Variants in MYH10 observed in about 807,000 individuals in gnomAD.
The protein encoded by MYH10 is myosin heavy chain 10, also known as myosin-10.
MYH10 carries 55 observed loss-of-function variants against 257.8 expected under a neutral mutation model. That is an observed-to-expected ratio of 0.21 (90% CI 0.17 to 0.27). MYH10 has a LOEUF of 0.27. Ranked by LOEUF, MYH10 falls within the 10% of genes least tolerant of loss-of-function variation. The pLI, the probability that MYH10 is intolerant of heterozygous loss-of-function variation, is 1.00. For synonymous variants in MYH10, 854 were observed against 921.7 expected (o/e 0.93, Z 1.33); for missense variants, 1,631 against 2,500.6 (o/e 0.65, Z 7.42).
intron 2 of MYH10, among the ~76,000 whole-genome samples, chr17:8,611,827 G>A (rs995035511): frequency 3.3e-5 from 5 of 152,096 alleles, no homozygotes; most frequent in African/African-American, 1.2e-4. Flanking sequence ...AGAGAATGAG[G>A]CAGAAGCAGT....
chr17:8,597,522 A>C (rs2084423708), intron 3 of MYH10, among the ~76,000 whole-genome samples: 2 of 152,034 alleles, frequency 1.3e-5, no homozygotes, highest in Non-Finnish European at 2.9e-5. Context: ...TGTTTTTTAA[A>C]ACTATCTTTA....
chr17:8,548,300 T>C lies in MYH10; in HGVS notation c.1159+13A>G. 3 of 1,579,642 alleles carry C rather than the reference T, an allele frequency of 1.9e-6. No homozygotes were observed. The highest frequency in any genetic ancestry group is 1.7e-6 in the Non-Finnish European group (2 of 1,152,486). ...CATCGAAACAGAAATAAAGTCAGTA[T>C]TCATCAGTTTACCTGTATTTTCTGG... On this transcript the variant is annotated intron_variant, in intron 11 of 42. Coordinates refer to ENST00000360416, the MANE Select transcript of MYH10 (RefSeq NM_001256012.3).
At chr17:8,489,614 G>GA (rs1915415049) in intron 35 of MYH10, among the ~76,000 whole-genome samples, 1 of 151,988 alleles carries the variant, frequency 6.6e-6, no homozygotes, top group Admixed American at 6.6e-5. Context: ...TGAGACAGGA[G>GA]AATCACTTCA....
chr17:8,613,878 C>T (rs1239720419), intron 2 of MYH10, among the ~76,000 whole-genome samples: 2 of 151,564 alleles, frequency 1.3e-5, no homozygotes, highest in African/African-American at 4.9e-5. Flanking sequence ...AGCAATTAAC[C>T]ACACAAACAC....
chr17:8,487,280 C>G (rs565124565), intron 36 of MYH10, among the ~76,000 whole-genome samples, 153 bp downstream of exon 36: 2 of 152,168 alleles, frequency 1.3e-5, no homozygotes, highest in African/African-American at 4.8e-5. Flanking sequence ...GTGGACACAG[C>G]GGACACACAA....
chr17:8,493,177 T>C (rs753841255), intron 32 of MYH10, among the ~76,000 whole-genome samples, 153 bp from the exon 33 acceptor site: 26 of 152,088 alleles, frequency 1.7e-4, no homozygotes, highest in Admixed American at 1.2e-3. Flanking sequence ...CAGGCCAACA[T>C]AGTGAAACCT....
intron 29 of MYH10, among the ~76,000 whole-genome samples, chr17:8,500,176 G>C (rs1483602103): frequency 6.6e-6 from 1 of 152,186 alleles, no homozygotes. Flanking sequence ...TTAAAAGGTG[G>C]CATGTGGCTA....
At chr17:8,624,549 G>A (rs960177553) in intron 1 of MYH10, among the ~76,000 whole-genome samples, 1 of 152,192 alleles carries the variant, frequency 6.6e-6, no homozygotes, top group South Asian at 2.1e-4. Context: ...AAAAATGCTA[G>A]AGGTTCTTTG....
At chr17:8,585,109 C>T (rs1389881196) in intron 4 of MYH10, among the ~76,000 whole-genome samples, 2 of 151,606 alleles carry the variant, frequency 1.3e-5, no homozygotes, top group Admixed American at 6.6e-5. Context: ...TCCCAAAGTG[C>T]TGGGATTACA....
intron 21 of MYH10, 75 bp from the exon 22 acceptor site, chr17:8,513,969 T>A (rs1314309287): frequency 2.5e-6 from 3 of 1,221,530 alleles, no homozygotes; most frequent in Non-Finnish European, 3.5e-6. Flanking sequence ...GAAGCCTTTC[T>A]AAAGGCCCGT....
chr17:8,560,963 T>TAA, intron 7 of MYH10: 1 of 480,652 alleles, frequency 2.1e-6, no homozygotes, highest in Non-Finnish European at 3.8e-6. Flanking sequence ...CGGACAACTC[T>TAA]AATCAATCTG....
chr17:8,508,460 C>T, intron 26 of MYH10, 94 bp downstream of exon 26: 10 of 1,529,878 alleles, frequency 6.5e-6, no homozygotes, highest in Non-Finnish European at 8.9e-6. Flanking sequence ...TAGTAATCAT[C>T]ATGTATATTT....
chr17:8,541,513 T>C (rs1023015912), intron 14 of MYH10, among the ~76,000 whole-genome samples: 18 of 152,208 alleles, frequency 1.2e-4, no homozygotes, highest in African/African-American at 4.1e-4. Flanking sequence ...CAAAAGTGAA[T>C]GAGTTATACA....
At chr17:8,598,949 TGCCCACCTTG>T (rs2084491190) in intron 3 of MYH10, among the ~76,000 whole-genome samples, 2 of 152,190 alleles carry the variant, frequency 1.3e-5, no homozygotes, top group Admixed American at 1.3e-4. Flanking sequence ...TCAAGTGATC[TGCCCACCTTG>T]GCCTCCCAAA....
intron 3 of MYH10, among the ~76,000 whole-genome samples, chr17:8,590,959 A>G (rs1399732091): frequency 7.7e-6 from 1 of 129,260 alleles, no homozygotes; most frequent in Non-Finnish European, 1.6e-5. Context: ...TGCAAGCTCC[A>G]CCTCCCGGGT....
chr17:8,509,660 T>C, intron 25 of MYH10, 152 bp downstream of exon 25: 3 of 649,030 alleles, frequency 4.6e-6, no homozygotes, highest in Admixed American at 3.7e-5. Context: ...TAGAAATCTA[T>C]ACAAGTAGAG....
chr17:8,488,077 G>C (rs181967476), intron 35 of MYH10, among the ~76,000 whole-genome samples: 1 of 152,134 alleles, frequency 6.6e-6, no homozygotes, highest in Non-Finnish European at 1.5e-5. Flanking sequence ...CAGCAGGAAA[G>C]GGGGGAGCAG....
In MYH10 at chr17:8,478,356, C is replaced by G. The variant is rs766085338; in HGVS notation, c.5688G>C (p.Ala1896=). Residue 1896 remains alanine, a synonymous_variant, in exon 41 of 43, where the codon GCG becomes GCC. Transcript: ENST00000360416. The stretch of plus-strand genomic sequence containing the variant: ...CGCGTACCTGCTCTTTATACTGGTC[C>G]GCGTGTCGACGCTCATCCTCAACCT... ...FMQVEDERRH[A]DQYKEQMEKA... The G allele has an allele frequency of 1.9e-5, 31 of 1,614,050 alleles. No individual in the cohort carries two copies. In the East Asian group the frequency reaches 6.5e-4, roughly 34 times the overall value.
Position 8,487,560 on chromosome 17 carries a change from C to T in MYH10, c.4919G>A (p.Arg1640Lys). ...RELEAELEDE[R>K]KQRALAVASK... ...AGCTACAGCAAGCGCCCGCTGTTTC[C>T]TCTCATCCTCCAGCTCCGCCTCGAG... Residue 1640 changes from arginine to lysine, a missense_variant, in exon 36 of 43, where the codon AGG becomes AAG. Coordinates refer to ENST00000360416, the MANE Select transcript of MYH10 (RefSeq NM_001256012.3). 1.2e-6 allele frequency: 2 copies of T among 1,614,198 alleles called. No individual in the cohort carries two copies.
Sources: gnomAD v4.1 joint callset for allele counts (sites outside exome capture counted in the v4.1 genomes callset) on GRCh38, gnomAD v4.1.1 for gene constraint, MANE v1.5 for transcripts, NCBI Gene and HGNC (gene_info 2026-07-23, HGNC 2026-07-21) for gene names.